The following BCAS3 variants were observed in gnomAD, a reference collection of about 807,000 sequenced individuals.
BCAS3 encodes the protein BCAS3 microtubule associated cell migration factor.
In BCAS3, 53 loss-of-function variants were observed where a neutral mutation model predicts 116.1. The observed-to-expected ratio is 0.46, with a 90% CI of 0.37 to 0.57. BCAS3 has a LOEUF of 0.57. Among genes scored for constraint, BCAS3 ranks in the 20% least tolerant of loss-of-function variants. The pLI is 0.00. For synonymous variants in BCAS3, 391 were observed against 408.2 expected (o/e 0.96, Z 0.51); for missense variants, 917 against 1,165.4 (o/e 0.79, Z 3.10).
At chr17:60,792,173 T>A (rs1372231622) in intron 6 of BCAS3, among the ~76,000 whole-genome samples, 2 of 151,972 alleles carry the variant, frequency 1.3e-5, no homozygotes, top group Non-Finnish European at 2.9e-5. Context: ...ATGTTGGAAA[T>A]GTTGGGAGGT....
chr17:60,957,104 T>C (rs1316842941), intron 14 of BCAS3, among the ~76,000 whole-genome samples: 1 of 152,204 alleles, frequency 6.6e-6, no homozygotes, highest in Non-Finnish European at 1.5e-5. Flanking sequence ...CAACAGTAAG[T>C]ATAAACCTTA....
intron 5 of BCAS3, among the ~76,000 whole-genome samples, chr17:60,715,432 T>C (rs1232246777): frequency 6.6e-6 from 1 of 152,140 alleles, no homozygotes; most frequent in African/African-American, 2.4e-5. Flanking sequence ...CTCTTTCAAA[T>C]CTACTAGTTA....
intron 19 of BCAS3, among the ~76,000 whole-genome samples, chr17:61,045,241 G>A (rs943341500): frequency 6.6e-6 from 1 of 151,918 alleles, no homozygotes; most frequent in African/African-American, 2.4e-5. Flanking sequence ...GGGCATGGTG[G>A]CTCATGCCTG....
rs114560894 is a variant in BCAS3, at chr17:61,168,673, T to G, written c.2425+84109T>G. On this transcript the variant is annotated intron_variant, in intron 22 of 23. Coordinates refer to ENST00000407086, the MANE Select transcript of BCAS3 (RefSeq NM_017679.5). ...CTGTTGTAGCAAAGGTTGGCAAATG[T>G]GGGAGAAGGAGCAGGTTCTGCCCTG... is the stretch of plus-strand genomic sequence containing the variant. Among the ~76,000 whole-genome samples, 930 of 152,298 alleles carry G rather than the reference T, an allele frequency of 6.1e-3. 15 individuals carry two copies. Among genetic ancestry groups the G allele is most frequent in the African/African-American group, 0.021 (870 of 41,556 alleles).
Position 60,868,614 on chromosome 17 carries a change from T to G in BCAS3, c.515T>G (p.Leu172Arg). ...TACTGTTGTGTGGATCTGTATTCAC[T>G]TCGTACTGGGGAGATGGTCAAGTCC... is the stretch of plus-strand genomic sequence containing the variant. ...PPYCCVDLYS[L>R]RTGEMVKSIQ... Residue 172 changes from leucine to arginine, a missense_variant, in exon 8 of 24, where the codon CTT becomes CGT. Coordinates refer to ENST00000407086, the MANE Select transcript of BCAS3 (RefSeq NM_017679.5). 2 of 1,602,804 alleles carry G rather than the reference T, an allele frequency of 1.2e-6. No individual in the cohort carries two copies. The highest frequency in any genetic ancestry group is 8.5e-7 in the Non-Finnish European group (1 of 1,175,916).
intron 22 of BCAS3, among the ~76,000 whole-genome samples, chr17:61,253,082 A>T (rs1301438348): frequency 6.6e-6 from 1 of 150,710 alleles, no homozygotes; most frequent in African/African-American, 2.4e-5. Flanking sequence ...CACCATGTTG[A>T]CCAGGCTGGT....
At chr17:61,329,343 A>ATTTTTTTTTTTT (rs35909318) in intron 22 of BCAS3, among the ~76,000 whole-genome samples, 9 of 131,292 alleles carry the variant, frequency 6.9e-5, no homozygotes, top group African/African-American at 2.6e-4. Context: ...TATTATTATT[A>ATTTTTTTTTTTT]TTTTTTTTTT....
At chr17:61,330,863 A>G (rs2056216011) in intron 22 of BCAS3, among the ~76,000 whole-genome samples, 1 of 152,204 alleles carries the variant, frequency 6.6e-6, no homozygotes, top group Non-Finnish European at 1.5e-5. Context: ...GAATCAGCCA[A>G]TGGTGGTGAA....
intron 7 of BCAS3, among the ~76,000 whole-genome samples, chr17:60,854,899 A>G (rs145024074): frequency 4.6e-4 from 69 of 150,818 alleles, no homozygotes; most frequent in African/African-American, 1.6e-3. Context: ...ACTGTGGTAT[A>G]TTCATAAAAT....
At chr17:61,269,000 C>T (rs2050002486) in intron 22 of BCAS3, among the ~76,000 whole-genome samples, 3 of 152,006 alleles carry the variant, frequency 2.0e-5, no homozygotes, top group Admixed American at 1.3e-4. Flanking sequence ...ACCCCATTTT[C>T]TTTATCCATT....
intron 22 of BCAS3, among the ~76,000 whole-genome samples, chr17:61,275,356 G>A (rs1435644169): frequency 1.3e-5 from 2 of 152,078 alleles, no homozygotes; most frequent in Non-Finnish European, 1.5e-5. Flanking sequence ...TCATTATAGG[G>A]ATTAGGTCTA....
chr17:60,733,213 G>T (rs114497695), intron 5 of BCAS3, among the ~76,000 whole-genome samples: 1 of 152,116 alleles, frequency 6.6e-6, no homozygotes, highest in Non-Finnish European at 1.5e-5. Flanking sequence ...TAGTAAATTT[G>T]TATAGCTAAT....
rs1486758912 is a variant in BCAS3, at chr17:61,161,489, T to G, written c.2425+76925T>G. ...AAATTTATTCTTTAAAAGACAGAGA[T>G]AGTGGCACAAAATGTGCTGTGGGTT... On this transcript the variant is annotated intron_variant, in intron 22 of 23. Coordinates refer to ENST00000407086, the MANE Select transcript of BCAS3 (RefSeq NM_017679.5). The surrounding 1 kb of genome is among the most constrained non-coding windows in gnomAD (Gnocchi z 4.8). 6.6e-6 allele frequency among the ~76,000 whole-genome samples: 1 copy of G among 152,200 alleles called. No individual in the cohort carries two copies. Among genetic ancestry groups the G allele is most frequent in the Non-Finnish European group, 1.5e-5 (1 of 68,034 alleles).
chr17:60,910,641 G>A lies in BCAS3; in HGVS notation c.932G>A (p.Arg311Gln), dbSNP rs776214324. ...GTTGCCATCCACAGTAATTCACGGC[G>A]GAGTCCTTTGGTCCCAGGCATCATC... ...DDVAIHSNSR[R>Q]SPLVPGIITV... Residue 311 changes from arginine to glutamine, a missense_variant, in exon 12 of 24, where the codon CGG becomes CAG. Physicochemically the swap from Arg to Gln is conservative, Grantham distance 43. Around this residue, in one of 3 missense-constraint regions of BCAS3, gnomAD observed 807 missense variants for 1,026.0 expected, o/e 0.79. Transcript: ENST00000407086. The A allele has an allele frequency of 2.2e-5, 36 of 1,613,314 alleles. No individual in the cohort carries two copies. Among genetic ancestry groups the A allele is most frequent in the African/African-American group, 1.1e-4 (8 of 74,840 alleles).
chr17:60,825,857 G>GTTT (rs770293138), intron 7 of BCAS3, among the ~76,000 whole-genome samples: 9,630 of 129,954 alleles, frequency 0.074, 1,430 homozygotes, highest in African/African-American at 0.27. Flanking sequence ...TGGGGATTCA[G>GTTT]TTTTTTTTTT....
At chr17:61,238,738 G>A (rs2083261169) in intron 22 of BCAS3, among the ~76,000 whole-genome samples, 1 of 151,992 alleles carries the variant, frequency 6.6e-6, no homozygotes, top group Admixed American at 6.6e-5. Context: ...ATCCTCTGCT[G>A]ACCCTGCTGC....
In BCAS3 at chr17:61,324,627, C is replaced by T. The variant is rs1185670934; in HGVS notation, c.2426-43700C>T. 6.6e-6 allele frequency among the ~76,000 whole-genome samples: 1 copy of T among 152,144 alleles called. No homozygotes were observed. Among genetic ancestry groups the T allele is most frequent in the Non-Finnish European group, 1.5e-5 (1 of 68,032 alleles). On this transcript the variant is annotated intron_variant, in intron 22 of 23. Coordinates refer to ENST00000407086, the MANE Select transcript of BCAS3 (RefSeq NM_017679.5). This position sits in a 1 kb window ranked among gnomAD's most constrained non-coding sequence, Gnocchi z 4.6. ...GCTGGGCCTGGGGTCAGCAGCCTGG[C>T]GTCCAGCCCTGCCAGCCACTAGCTG...
intron 22 of BCAS3, among the ~76,000 whole-genome samples, chr17:61,120,233 A>G (rs1377587584): frequency 6.6e-6 from 1 of 152,144 alleles, no homozygotes; most frequent in African/African-American, 2.4e-5. Context: ...GAAAAATTTC[A>G]AACTTACAGA....
chr17:61,063,497 T>A lies in BCAS3; in HGVS notation c.2030-11423T>A, dbSNP rs775014291. 1.3e-5 allele frequency among the ~76,000 whole-genome samples: 2 copies of A among 152,106 alleles called. No individual in the cohort carries two copies. The highest frequency in any genetic ancestry group is 2.9e-5 in the Non-Finnish European group (2 of 68,020). ...GTTAGCCAGGATGGTCTCGATCTCT[T>A]GATCTCGTGATCCGCCACCTCGGCC... is the stretch of plus-strand genomic sequence containing the variant. On this transcript the variant is annotated intron_variant, in intron 19 of 23. Transcript: ENST00000407086. The surrounding 1 kb of genome is among the most constrained non-coding windows in gnomAD (Gnocchi z 5.3).
Sources: gnomAD v4.1 joint callset for allele counts (sites outside exome capture counted in the v4.1 genomes callset) on GRCh38, gnomAD v4.1.1 for gene constraint, gnomAD v4.1.1 regional missense constraint, Gnocchi (gnomAD v3.1) non-coding constraint, MANE v1.5 for transcripts, NCBI Gene and HGNC (gene_info 2026-07-23, HGNC 2026-07-21) for gene names.